The following KCNK12 variants were observed in gnomAD, a reference collection of about 807,000 sequenced individuals.
KCNK12 encodes the protein potassium channel subfamily K member 12.
A neutral mutation model predicts 25.3 loss-of-function variants in KCNK12; 6 were observed. That is an observed-to-expected ratio of 0.24 (90% CI 0.13 to 0.47). KCNK12 has a LOEUF of 0.47. Ranked by LOEUF, KCNK12 falls within the 20% of genes least tolerant of loss-of-function variation. The probability of loss-of-function intolerance (pLI) is 0.99; values close to 1 mark genes in which losing one functional copy is unlikely to be tolerated. For missense variants in KCNK12, 444 were observed against 661.7 expected, an observed-to-expected ratio of 0.67 and a Z score of 3.61; for synonymous variants, 331 against 311.1, an observed-to-expected ratio of 1.06 and a Z score of -0.67.
rs777951217 is a variant in KCNK12, at chr2:47,525,511, G to A, written c.392-3703C>T. Among the ~76,000 whole-genome samples the A allele has an allele frequency of 6.6e-6, 1 of 152,208 alleles. No homozygotes were observed. Among genetic ancestry groups the A allele is most frequent in the Non-Finnish European group, 1.5e-5 (1 of 68,034 alleles). ...TGCTGGAGAGTTCTCTGGGTGGGAG[G>A]CTGACTGGGGCAGCCCCCACAGGCA... On this transcript the variant is annotated intron_variant, in intron 1 of 1. Coordinates refer to ENST00000327876, the MANE Select transcript of KCNK12 (RefSeq NM_022055.2). This position sits in a 1 kb window ranked among gnomAD's most constrained non-coding sequence, Gnocchi z 4.1.
In KCNK12 at chr2:47,548,911, T is replaced by TTAACTGCTG. The variant is rs769692340; in HGVS notation, c.391+21021_391+21029dup. Among the ~76,000 whole-genome samples, 111 of 152,262 alleles carry TTAACTGCTG rather than the reference T, an allele frequency of 7.3e-4. No individual in the cohort carries two copies. The highest frequency in any genetic ancestry group is 1.4e-3 in the Non-Finnish European group (95 of 68,010). On this transcript the variant is annotated intron_variant, in intron 1 of 1. Coordinates refer to ENST00000327876, the MANE Select transcript of KCNK12 (RefSeq NM_022055.2). The surrounding 1 kb of genome is among the most constrained non-coding windows in gnomAD (Gnocchi z 4.4). The stretch of plus-strand genomic sequence containing the variant: ...GGGAGGATAAAGCAGCTGTCACTGC[T>TTAACTGCTG]TAACTGCTGTAACTACTGTGGAGCA...
chr2:47,568,193 T>A (rs1217550611), intron 1 of KCNK12, among the ~76,000 whole-genome samples: 1 of 151,570 alleles, frequency 6.6e-6, no homozygotes. Flanking sequence ...TGCCTCTAGG[T>A]GGAAGAAAGG....
At chr2:47,527,657 T>A (rs1002869500) in intron 1 of KCNK12, 1 of 152,258 alleles carries the variant, frequency 6.6e-6, no homozygotes, top group Non-Finnish European at 1.5e-5. Flanking sequence ...CCCAAGGCCA[T>A]CTATTGGAGT....
At chr2:47,558,321 C>T (rs553056368) in intron 1 of KCNK12, among the ~76,000 whole-genome samples, 2 of 152,354 alleles carry the variant, frequency 1.3e-5, no homozygotes, top group African/African-American at 4.8e-5. Context: ...AGGGTGCTGG[C>T]AGGGGCAGGC....
At position 47,570,253 on chromosome 2, in the gene KCNK12, A is replaced by AGCAGCG; in HGVS notation, c.78_79insCGCTGC (p.Cys26_Cys27insArgCys). ...TCCTCGTTGAGGTGCGAACGGCGGC[A>AGCAGCG]GCAGCAGCAGCAGCAGGAGGGGCGC... On this transcript the variant is annotated inframe_insertion, in exon 1 of 2. Transcript: ENST00000327876. The AGCAGCG allele has an allele frequency of 7.2e-7, 1 of 1,392,558 alleles. No individual in the cohort carries two copies. Among genetic ancestry groups the AGCAGCG allele is most frequent in the Non-Finnish European group, 9.4e-7 (1 of 1,068,354 alleles). 86.3% of individuals were successfully genotyped at this position (1,392,558 alleles called of 1,614,324 possible). A position where few individuals can be genotyped will look rare whatever the true frequency, so the allele number is the denominator to read the frequency against.
At chr2:47,532,237 A>AC (rs1668949134) in intron 1 of KCNK12, among the ~76,000 whole-genome samples, 1 of 151,814 alleles carries the variant, frequency 6.6e-6, no homozygotes, top group African/African-American at 2.4e-5. Context: ...TAAAAAAAAA[A>AC]AACCCTGGGG....
At chr2:47,567,096 A>G (rs1462428514) in intron 1 of KCNK12, 2 of 152,218 alleles carry the variant, frequency 1.3e-5, no homozygotes, top group African/African-American at 2.4e-5. Flanking sequence ...TTCCAATACT[A>G]AAGTCTAGAT....
At chr2:47,554,998 A>G (rs1204649564) in intron 1 of KCNK12, among the ~76,000 whole-genome samples, 1 of 152,254 alleles carries the variant, frequency 6.6e-6, no homozygotes, top group Non-Finnish European at 1.5e-5. Context: ...ATGAAGACTC[A>G]TGGAGCAGTG....
intron 1 of KCNK12, among the ~76,000 whole-genome samples, chr2:47,546,982 G>A (rs1379436673): frequency 6.6e-6 from 1 of 152,140 alleles, no homozygotes; most frequent in Non-Finnish European, 1.5e-5. Flanking sequence ...TGTGGGAAAG[G>A]CCATATAGAT....
At chr2:47,532,349 T>A (rs1668952092) in intron 1 of KCNK12, among the ~76,000 whole-genome samples, 1 of 152,122 alleles carries the variant, frequency 6.6e-6, no homozygotes, top group Non-Finnish European at 1.5e-5. Flanking sequence ...TTACTGCTTT[T>A]TTCTTTTTCT....
At position 47,521,774 on chromosome 2, in the gene KCNK12, C is replaced by T; in HGVS notation, c.426G>A (p.Gly142=). The T allele has an allele frequency of 6.5e-7, 1 of 1,532,934 alleles. No homozygotes were observed. The highest frequency in any genetic ancestry group is 8.7e-7 in the Non-Finnish European group (1 of 1,146,318). The allele number at this position is 1,532,934 out of a possible 1,614,324, so 95.0% of individuals were successfully genotyped here. A position where few individuals can be genotyped will look rare whatever the true frequency, so the allele number is the denominator to read the frequency against. The stretch of plus-strand genomic sequence containing the variant: ...GCCCGTAGGCGATGAGGAAGGCCTT[C>T]CCGCCCACCGTCGCGGGGGTGGTCA... ...FGMTTPATVG[G]KAFLIAYGLF... The change falls in exon 2 of 2, where the codon GGG becomes GGA. Residue 142 remains glycine (G), a synonymous_variant. Coordinates refer to ENST00000327876, the MANE Select transcript of KCNK12 (RefSeq NM_022055.2).
rs1208192707 is a variant in KCNK12 at position 47,538,506 on chromosome 2, C to T, written c.392-16698G>A. Reference sequence around the variant, plus strand: ...TGAAAAAGGACTGGGCATGGTGGCTCATGTCTGTAATCCCAGCACTTTGGG... The same window carrying T: ...TGAAAAAGGACTGGGCATGGTGGCTTATGTCTGTAATCCCAGCACTTTGGG... On this transcript the variant is annotated intron_variant, in intron 1 of 1. Coordinates refer to ENST00000327876, the MANE Select transcript of KCNK12 (RefSeq NM_022055.2). This position sits in a 1 kb window ranked among gnomAD's most constrained non-coding sequence, Gnocchi z 4.5. Among the ~76,000 whole-genome samples the T allele has an allele frequency of 2.6e-5, 4 of 152,192 alleles. No homozygotes were observed. The highest frequency in any genetic ancestry group is 7.2e-5 in the African/African-American group (3 of 41,444).
intron 1 of KCNK12, among the ~76,000 whole-genome samples, chr2:47,558,526 T>G (rs576829661): frequency 1.3e-5 from 2 of 152,238 alleles, no homozygotes; most frequent in East Asian, 3.9e-4. Context: ...GCCAACACAC[T>G]CAGCACAGGC....
chr2:47,527,347 G>T (rs1299965796), intron 1 of KCNK12, among the ~76,000 whole-genome samples: 2 of 152,182 alleles, frequency 1.3e-5, no homozygotes, highest in Non-Finnish European at 2.9e-5. Context: ...ATCCCCTAAA[G>T]AGTCTGCCAA....
In KCNK12 at chr2:47,521,297, G is replaced by A; in HGVS notation, c.903C>T (p.Leu301=). ...GCATCCAGTTGAGCACCTGCTTGAT[G>A]AGGATGGAGATGACGTTGAAGAGCG... ...IYSLFNVISI[L]IKQVLNWMLR... Residue 301 remains leucine (L), a synonymous_variant, in exon 2 of 2, where the codon CTC becomes CTT. Coordinates refer to ENST00000327876, the MANE Select transcript of KCNK12 (RefSeq NM_022055.2). The A allele has an allele frequency of 6.2e-7, 1 of 1,612,956 alleles. No homozygotes were observed. Among genetic ancestry groups the A allele is most frequent in the Non-Finnish European group, 8.5e-7 (1 of 1,179,738 alleles).
Position 47,570,321 on chromosome 2 carries a change from C to T in KCNK12, c.11G>A (p.Arg4His). The T allele has an allele frequency of 7.5e-7, 1 of 1,328,306 alleles. No homozygotes were observed. The highest frequency in any genetic ancestry group is 9.6e-7 in the Non-Finnish European group (1 of 1,042,492). 82.3% of individuals were successfully genotyped at this position (1,328,306 alleles called of 1,614,324 possible). A position where few individuals can be genotyped will look rare whatever the true frequency, so the allele number is the denominator to read the frequency against. MSS[R>H]SPRPPPRRSR... ...ACGGCGGGGCGGGGGCCGGGGGCTG[C>T]GGGAGGACATGGTCCGGAGCTCAGC... The change falls in exon 1 of 2, where the codon CGC becomes CAC. Residue 4 changes from arginine to histidine, a missense_variant. Arg to His is a conservative substitution (Grantham distance 29). Transcript: ENST00000327876.
intron 1 of KCNK12, among the ~76,000 whole-genome samples, chr2:47,553,164 T>C (rs1199715659): frequency 6.6e-6 from 1 of 152,230 alleles, no homozygotes; most frequent in Non-Finnish European, 1.5e-5. Context: ...TGCAAGAGTA[T>C]ATAGCTCTTC....
In KCNK12 at chr2:47,566,964, G is replaced by T. The variant is rs1669797670; in HGVS notation, c.391+2977C>A. Reference sequence around the variant, plus strand: ...TGGCCAAGATACGTTGCTCATAAATGCTGTGATCCAGCTGCCCATGTTGGA... The same window carrying T: ...TGGCCAAGATACGTTGCTCATAAATTCTGTGATCCAGCTGCCCATGTTGGA... On this transcript the variant is annotated intron_variant, in intron 1 of 1. Transcript: ENST00000327876. This position sits in a 1 kb window ranked among gnomAD's most constrained non-coding sequence, Gnocchi z 4.1. 6.6e-6 allele frequency: 1 copy of T among 152,208 alleles called. No homozygotes were observed. Among genetic ancestry groups the T allele is most frequent in the Admixed American group, 6.5e-5 (1 of 15,286 alleles). The allele number at this position is 152,208 out of a possible 1,614,324, so 9.4% of individuals were successfully genotyped here.
intron 1 of KCNK12, among the ~76,000 whole-genome samples, chr2:47,567,376 C>CAAT (rs1264147201): frequency 1.3e-5 from 2 of 152,064 alleles, no homozygotes; most frequent in Admixed American, 6.6e-5. Context: ...ATACAAGCAT[C>CAAT]AATAATAATA....
Sources: allele counts gnomAD v4.1 joint callset (sites outside exome capture counted in the v4.1 genomes callset), GRCh38; gene constraint gnomAD v4.1.1; non-coding constraint Gnocchi (gnomAD v3.1); transcripts MANE v1.5; gene names NCBI Gene and HGNC (gene_info 2026-07-23, HGNC 2026-07-21).